ETFDH: variants seen among roughly 807,000 people sequenced by gnomAD.
ETFDH encodes electron transfer flavoprotein dehydrogenase, also known as electron transfer flavoprotein-ubiquinone oxidoreductase, mitochondrial.
Under a neutral mutation model 73.2 loss-of-function variants are expected in ETFDH, and 61 were observed. The observed-to-expected ratio is 0.83, with a 90% confidence interval of 0.68 to 1.03. The LOEUF is 1.03. Ranked by LOEUF, ETFDH falls within the 50% of genes least tolerant of loss-of-function variation. ETFDH has a pLI of 0.00. For missense variants in ETFDH, 685 were observed against 745.0 expected (o/e 0.92, Z 0.94); for synonymous variants, 243 against 253.3 (o/e 0.96, Z 0.39).
At position 158,706,795 on chromosome 4, in the gene ETFDH, T is replaced by C. The variant is rs779574766; in HGVS notation, c.1635T>C (p.Pro545=). 1 of 1,613,980 alleles carries C rather than the reference T, an allele frequency of 6.2e-7. No homozygotes were observed. Among genetic ancestry groups the C allele is most frequent in the Non-Finnish European group, 8.5e-7 (1 of 1,179,870 alleles). The part of the protein sequence containing the change: ...AHLTLRDDSI[P]VNRNLSIYDG... The stretch of plus-strand genomic sequence containing the variant: ...TAACCTTAAGGGATGACAGTATACC[T>C]GTAAATAGAAATCTGTCGATATATG... The change falls in exon 12 of 13, where the codon CCT becomes CCC. Residue 545 remains proline, a synonymous_variant. Coordinates refer to ENST00000511912, the MANE Select transcript of ETFDH (RefSeq NM_004453.4).
chr4:158,693,563 G>A (rs1245444980), intron 6 of ETFDH, among the ~76,000 whole-genome samples: 1 of 152,090 alleles, frequency 6.6e-6, no homozygotes, highest in African/African-American at 2.4e-5. Flanking sequence ...GTGGTGCTGG[G>A]GAAACTATAT....
intron 1 of ETFDH, among the ~76,000 whole-genome samples, chr4:158,678,650 C>A (rs1773769977): frequency 3.3e-5 from 3 of 90,984 alleles, no homozygotes; most frequent in East Asian, 3.6e-4. Flanking sequence ...GATATATCAC[C>A]ATCTTTTTTT....
chr4:158,697,544 T>A lies in ETFDH; in HGVS notation c.832-15T>A, dbSNP rs1057522644. The A allele has an allele frequency of 3.7e-6, 1 of 273,828 alleles. No homozygotes were observed. The highest frequency in any genetic ancestry group is 6.0e-6 in the Non-Finnish European group (1 of 166,728). 17.0% of individuals were successfully genotyped at this position (273,828 alleles called of 1,614,324 possible). A position where few individuals can be genotyped will look rare whatever the true frequency, so the allele number is the denominator to read the frequency against. ...AATACTGCAGGACTTTTTTGTTTGC[T>A]TTTTTTTTTTTTAGTTATGGGTTAT... is the stretch of plus-strand genomic sequence containing the variant. On this transcript the variant is annotated splice_polypyrimidine_tract_variant and intron_variant, in intron 7 of 12. Transcript: ENST00000511912.
intron 1 of ETFDH, among the ~76,000 whole-genome samples, chr4:158,679,054 C>T (rs114981898): frequency 0.012 from 1,769 of 152,260 alleles, 27 homozygotes; most frequent in African/African-American, 0.038. Flanking sequence ...GAATGGCTTT[C>T]TAGCTATCTC....
chr4:158,689,801 T>C (rs947824821), intron 5 of ETFDH, among the ~76,000 whole-genome samples: 2 of 151,782 alleles, frequency 1.3e-5, no homozygotes, highest in African/African-American at 2.4e-5. Context: ...GGTTACAGAC[T>C]ATTGCTATTT....
Position 158,697,686 on chromosome 4 carries a change from C to T in ETFDH, c.959C>T (p.Ala320Val), listed in dbSNP as rs751725601. The T allele has an allele frequency of 1.9e-6, 3 of 1,613,650 alleles. No individual in the cohort carries two copies. The East Asian group carries it at 6.7e-5, about 36-fold the overall frequency. ...YHLNEGEPLV[A>V]LGLVVGLDYQ... ...TTGAATGAAGGTGAACCCCTAGTAG[C>T]TCTTGGTCTTGTGGTAAGTTATATT... Residue 320 changes from alanine (A) to valine (V), a missense_variant, in exon 8 of 13, where the codon GCT becomes GTT. Physicochemically the swap from Ala to Val is moderately conservative, Grantham distance 64. Around this residue, in one of 3 missense-constraint regions of ETFDH, gnomAD observed 405 missense variants for 399.3 expected, o/e 1.01. Coordinates refer to ENST00000511912, the MANE Select transcript of ETFDH (RefSeq NM_004453.4).
At chr4:158,703,203 ACT>A (rs772181332) in intron 9 of ETFDH, among the ~76,000 whole-genome samples, 2 of 152,160 alleles carry the variant, frequency 1.3e-5, no homozygotes, top group Non-Finnish European at 1.5e-5. Flanking sequence ...AAAAAGAAAA[ACT>A]CTCACAGAAA....
intron 4 of ETFDH, 91 bp downstream of exon 4, chr4:158,684,764 A>G (rs1445812080): frequency 3.7e-6 from 3 of 809,050 alleles, no homozygotes; most frequent in African/African-American, 1.7e-5. Flanking sequence ...TTTTACAGAC[A>G]AGAACTGAGA....
intron 12 of ETFDH, 107 bp downstream of exon 12, chr4:158,706,957 G>T: frequency 1.4e-6 from 1 of 732,090 alleles, no homozygotes; most frequent in Admixed American, 2.1e-5. Flanking sequence ...CTTAGAAATT[G>T]TAAATGACTT....
intron 10 of ETFDH, among the ~76,000 whole-genome samples, chr4:158,705,835 C>G (rs1204127915): frequency 1.3e-5 from 2 of 152,208 alleles, no homozygotes; most frequent in East Asian, 3.8e-4. Flanking sequence ...GATCCCAGCA[C>G]TTTGGGAGGC....
intron 5 of ETFDH, among the ~76,000 whole-genome samples, 195 bp downstream of exon 5, chr4:158,685,414 T>C (rs1052673315): frequency 1.3e-5 from 2 of 152,230 alleles, no homozygotes; most frequent in Non-Finnish European, 2.9e-5. Flanking sequence ...CATCAAGTGA[T>C]TATCCAACTT....
chr4:158,704,272 A>G (rs1013661314), intron 10 of ETFDH, among the ~76,000 whole-genome samples: 2 of 152,240 alleles, frequency 1.3e-5, no homozygotes, highest in African/African-American at 4.8e-5. Context: ...TTAGCTACCT[A>G]TTCTTTAGCA....
chr4:158,697,534 T>C (rs1181484584), intron 7 of ETFDH, 25 bp from the exon 8 acceptor site: 5 of 1,602,848 alleles, frequency 3.1e-6, no homozygotes, highest in Middle Eastern at 1.7e-4. Context: ...TGCAGGACTT[T>C]TTTGTTTGCT....
rs1473314516 is a variant in ETFDH, at chr4:158,690,362, T to A, written c.621T>A (p.Asp207Glu). ...ATCATTTTTAGGTCCTTTTTCATGA[T>A]GATGGTAGTGTAAAAGGAATTGCCA... ...GYAAAEVLFH[D>E]DGSVKGIATN... Residue 207 changes from aspartate to glutamate, a missense_variant, in exon 6 of 13, where the codon GAT becomes GAA. Physicochemically the swap from Asp to Glu is conservative, Grantham distance 45. Around this residue, in one of 3 missense-constraint regions of ETFDH, gnomAD observed 405 missense variants for 399.3 expected, o/e 1.01. Transcript: ENST00000511912. The A allele has an allele frequency of 5.0e-6, 8 of 1,589,678 alleles. No homozygotes were observed. The highest frequency in any genetic ancestry group is 1.7e-5 in the Admixed American group (1 of 59,990).
At chr4:158,673,946 C>A (rs1024446508) in intron 1 of ETFDH, among the ~76,000 whole-genome samples, 12 of 152,164 alleles carry the variant, frequency 7.9e-5, no homozygotes, top group African/African-American at 2.9e-4. Flanking sequence ...ATTCCAATCT[C>A]TAAAGTGAGA....
In ETFDH at chr4:158,688,145, G is replaced by A. The variant is rs1461397278; in HGVS notation, c.607-2203G>A. ...GCAGTGACTCATGCCTGTTATCCCA[G>A]CACTTTGGGAGGCCCAGGTGGGCGG... On this transcript the variant is annotated intron_variant, in intron 5 of 12. Coordinates refer to ENST00000511912, the MANE Select transcript of ETFDH (RefSeq NM_004453.4). Among the ~76,000 whole-genome samples the A allele has an allele frequency of 2.0e-5, 3 of 152,130 alleles. No individual in the cohort carries two copies. The East Asian group carries it at 5.8e-4, about 29-fold the overall frequency.
chr4:158,687,921 T>G (rs1580403077), intron 5 of ETFDH, among the ~76,000 whole-genome samples: 1 of 151,618 alleles, frequency 6.6e-6, no homozygotes, highest in East Asian at 1.9e-4. Flanking sequence ...GTGCCTGTAA[T>G]CCTAGCTACT....
Position 158,708,367 on chromosome 4 carries a change from T to C in ETFDH, c.1694T>C (p.Val565Ala). The C allele has an allele frequency of 6.2e-7, 1 of 1,609,438 alleles. No individual in the cohort carries two copies. Residue 565 changes from valine to alanine, a missense_variant, in exon 13 of 13, where the codon GTT (valine) becomes GCT (alanine). Physicochemically the swap from Val to Ala is moderately conservative, Grantham distance 64. This residue lies in a region of ETFDH where 201 missense variants were observed against 225.2 expected (regional missense o/e 0.89). Coordinates refer to ENST00000511912, the MANE Select transcript of ETFDH (RefSeq NM_004453.4). ...ATTATTTATTTTTACTTTTCAGGAG[T>C]TTATGAATTTGTACCTGTGGAACAA... ...GPEQRFCPAG[V>A]YEFVPVEQGD... is the part of the protein sequence containing the mutation.
chr4:158,691,469 CG>C (rs1425747180), intron 6 of ETFDH, among the ~76,000 whole-genome samples: 1 of 152,116 alleles, frequency 6.6e-6, no homozygotes, highest in Non-Finnish European at 1.5e-5. Context: ...GGATTACAGG[CG>C]TGCGCCACCA....
Sources: gnomAD v4.1 joint callset for allele counts (sites outside exome capture counted in the v4.1 genomes callset) on GRCh38, gnomAD v4.1.1 for gene constraint, gnomAD v4.1.1 regional missense constraint, MANE v1.5 for transcripts, NCBI Gene and HGNC (gene_info 2026-07-23, HGNC 2026-07-21) for gene names.